Variants in CERS4 observed in about 807,000 individuals in gnomAD.
CERS4 encodes ceramide synthase 4.
CERS4 carries 65 observed loss-of-function variants against 51.8 expected under a neutral mutation model. That is an observed-to-expected ratio of 1.26 (90% confidence interval 1.03 to 1.54). CERS4 has a LOEUF of 1.54. Among genes scored for constraint, CERS4 ranks in the 40% most tolerant of loss-of-function variants. CERS4 has a pLI of 0.00. For missense variants in CERS4, 563 were observed against 500.4 expected, an observed-to-expected ratio of 1.13 and a Z score of -1.19; for synonymous variants, 228 against 208.4, an observed-to-expected ratio of 1.09 and a Z score of -0.81.
At chr19:8,257,324 C>T (rs1969448409) in intron 9 of CERS4, among the ~76,000 whole-genome samples, 2 of 152,148 alleles carry the variant, frequency 1.3e-5, no homozygotes, top group Non-Finnish European at 2.9e-5. Flanking sequence ...GCCTTCTCAG[C>T]TTCCTTGGGA....
At chr19:8,247,203 G>GC (rs1391038954) in intron 2 of CERS4, among the ~76,000 whole-genome samples, 1 of 151,992 alleles carries the variant, frequency 6.6e-6, no homozygotes, top group African/African-American at 2.4e-5. Context: ...CTTCCCTGCG[G>GC]CCCCCATGCC....
At chr19:8,216,023 A>G (rs1967285350) in intron 2 of CERS4, among the ~76,000 whole-genome samples, 1 of 151,992 alleles carries the variant, frequency 6.6e-6, no homozygotes, top group Admixed American at 6.6e-5. Flanking sequence ...ATGTTCTATC[A>G]TCAGGGTTTC....
chr19:8,256,813 C>G (rs1251939574), intron 8 of CERS4, 103 bp downstream of exon 8: 1 of 1,569,684 alleles, frequency 6.4e-7, no homozygotes, highest in African/African-American at 1.4e-5. Flanking sequence ...CTCCCTGGTG[C>G]CTCCTGCAGG....
intron 9 of CERS4, 41 bp from the exon 10 acceptor site, chr19:8,257,838 G>T: frequency 6.6e-7 from 1 of 1,510,952 alleles, no homozygotes; most frequent in Non-Finnish European, 9.2e-7. Context: ...TGAGACCAGG[G>T]CCCTGGTCCT....
chr19:8,246,122 G>T (rs1292361470), intron 2 of CERS4, among the ~76,000 whole-genome samples: 3 of 151,258 alleles, frequency 2.0e-5, no homozygotes, highest in African/African-American at 7.3e-5. Flanking sequence ...AAACTGGAAT[G>T]GTTGTTACTT....
intron 5 of CERS4, 44 bp from the exon 6 acceptor site, chr19:8,255,778 G>A (rs761956569): frequency 1.5e-4 from 104 of 686,350 alleles, no homozygotes; most frequent in Non-Finnish European, 2.2e-4. Context: ...GGGGTGGGGC[G>A]GGGCGGGTGT....
chr19:8,230,880 C>T (rs1212028917), intron 2 of CERS4, among the ~76,000 whole-genome samples: 2 of 152,116 alleles, frequency 1.3e-5, no homozygotes, highest in Middle Eastern at 3.2e-3. Context: ...CACTCTGTTG[C>T]CCAGGCTGGA....
chr19:8,243,785 GC>G (rs1369587151), intron 2 of CERS4, among the ~76,000 whole-genome samples: 1 of 147,658 alleles, frequency 6.8e-6, no homozygotes, highest in Non-Finnish European at 1.5e-5. Flanking sequence ...CCAAGCCTGT[GC>G]CCCAAACCTG....
chr19:8,249,358 C>T (rs1968954180), intron 2 of CERS4, among the ~76,000 whole-genome samples: 1 of 152,078 alleles, frequency 6.6e-6, no homozygotes. Flanking sequence ...GGACCCTTGG[C>T]TCAAGATCTC....
intron 7 of CERS4, among the ~76,000 whole-genome samples, 158 bp downstream of exon 7, chr19:8,256,444 A>ACT (rs35571180): frequency 0.85 from 129,763 of 151,878 alleles, 56,363 homozygotes; most frequent in Non-Finnish European, 0.94. Flanking sequence ...GGGCCAGAAA[A>ACT]CCAAGCAGGA....
At chr19:8,245,127 A>ACAAAAAAAACAAAC (rs1198999411) in intron 2 of CERS4, among the ~76,000 whole-genome samples, 2 of 142,186 alleles carry the variant, frequency 1.4e-5, no homozygotes, top group African/African-American at 5.7e-5. Flanking sequence ...AAAAAAAAAA[A>ACAAAAAAAACAAAC]AAAAAAAACA....
intron 2 of CERS4, among the ~76,000 whole-genome samples, chr19:8,245,125 A>AACAAAAAAAAACAAAAACAAACAAAC (rs1555777253): frequency 2.0e-5 from 3 of 150,820 alleles, no homozygotes; most frequent in Non-Finnish European, 3.0e-5. Context: ...AAAAAAAAAA[A>AACAAAAAAAAACAAAAACAAACAAAC]AAAAAAAAAA....
At chr19:8,228,656 CAA>C (rs915078715) in intron 2 of CERS4, among the ~76,000 whole-genome samples, 8 of 148,918 alleles carry the variant, frequency 5.4e-5, no homozygotes, top group Non-Finnish European at 1.2e-4. Flanking sequence ...GCCTGGGCAA[CAA>C]GAGCAAAACT....
chr19:8,212,165 C>T (rs1307218573), intron 2 of CERS4, among the ~76,000 whole-genome samples: 1 of 152,142 alleles, frequency 6.6e-6, no homozygotes, highest in African/African-American at 2.4e-5. Context: ...CAGAGCCAGC[C>T]TGCCAGCCTT....
intron 2 of CERS4, among the ~76,000 whole-genome samples, chr19:8,212,398 G>A (rs1454228131): frequency 1.3e-5 from 2 of 152,128 alleles, no homozygotes; most frequent in Non-Finnish European, 2.9e-5. Context: ...TTAGGTGTAA[G>A]TCAGCAATCT....
chr19:8,258,085 C>A, intron 10 of CERS4, 100 bp downstream of exon 10: 1 of 968,756 alleles, frequency 1.0e-6, no homozygotes, highest in Non-Finnish European at 1.6e-6. Flanking sequence ...AGCTGGGGAT[C>A]TTGGCTGGGA....
chr19:8,242,272 G>A (rs968281466), intron 2 of CERS4, among the ~76,000 whole-genome samples: 9 of 152,196 alleles, frequency 5.9e-5, no homozygotes, highest in Admixed American at 2.0e-4. Flanking sequence ...GGGAAGGGAC[G>A]AGACAGAGAC....
intron 2 of CERS4, chr19:8,239,781 A>G (rs1968446105): frequency 6.6e-6 from 1 of 152,196 alleles, no homozygotes; most frequent in Non-Finnish European, 1.5e-5. Context: ...TGACCACCTG[A>G]GCTAACATCC....
At chr19:8,252,859 G>A (rs1599581216) in intron 3 of CERS4, among the ~76,000 whole-genome samples, 1 of 152,128 alleles carries the variant, frequency 6.6e-6, no homozygotes, top group Admixed American at 6.5e-5. Context: ...AGAGGCAGGA[G>A]GCAGGAACAA....
Sources: allele counts gnomAD v4.1 joint callset (sites outside exome capture counted in the v4.1 genomes callset), GRCh38; gene constraint gnomAD v4.1.1; transcripts MANE v1.5; gene names NCBI Gene and HGNC (gene_info 2026-07-23, HGNC 2026-07-21).